BMPER: variants seen among roughly 807,000 people sequenced by gnomAD.
BMPER encodes BMP-binding endothelial regulator protein.
BMPER carries 45 observed loss-of-function variants against 87.3 expected under a neutral mutation model. The ratio of observed to expected loss-of-function variants is 0.52; its 90% CI spans 0.41 to 0.66. The LOEUF is 0.66. Ranked by LOEUF, BMPER falls within the 30% of genes least tolerant of loss-of-function variation. BMPER has a pLI of 0.00. For missense variants in BMPER, 784 were observed against 867.5 expected, an observed-to-expected ratio of 0.90 and a Z score of 1.21; for synonymous variants, 326 against 316.2, an observed-to-expected ratio of 1.03 and a Z score of -0.33.
chr7:33,935,620 AAGAG>A (rs371168169), intron 2 of BMPER, among the ~76,000 whole-genome samples: 17 of 149,760 alleles, frequency 1.1e-4, no homozygotes, highest in Admixed American at 6.0e-4. Flanking sequence ...GAGAAGGAGA[AAGAG>A]AGAGAGAGAG....
intron 6 of BMPER, among the ~76,000 whole-genome samples, chr7:34,004,911 G>A (rs573126705): frequency 5.3e-5 from 8 of 152,250 alleles, no homozygotes; most frequent in African/African-American, 1.9e-4. Context: ...GCCTTGCACA[G>A]TTATGTGACC....
intron 12 of BMPER, among the ~76,000 whole-genome samples, chr7:34,082,910 G>C (rs1585813634): frequency 6.6e-6 from 1 of 152,330 alleles, no homozygotes; most frequent in East Asian, 1.9e-4. Flanking sequence ...GAATTATGCT[G>C]TAAAAGTTAG....
intron 7 of BMPER, among the ~76,000 whole-genome samples, chr7:34,047,794 C>CATT (rs1788015504): frequency 7.0e-6 from 1 of 143,008 alleles, no homozygotes; most frequent in Non-Finnish European, 1.5e-5. Context: ...TTCTTTCCTT[C>CATT]CTTCCTTCCT....
intron 6 of BMPER, among the ~76,000 whole-genome samples, chr7:33,995,688 T>C (rs28496396): frequency 0.13 from 19,199 of 152,188 alleles, 1,657 homozygotes; most frequent in Admixed American, 0.23. Context: ...CCATGAGGCC[T>C]GTGCAGATGT....
chr7:33,927,896 T>G (rs1784397042), intron 2 of BMPER, among the ~76,000 whole-genome samples: 1 of 152,198 alleles, frequency 6.6e-6, no homozygotes, highest in Admixed American at 6.5e-5. Flanking sequence ...ATCACCCCTT[T>G]CCTTTTTGTT....
At chr7:33,939,625 T>C (rs764694592) in intron 3 of BMPER, among the ~76,000 whole-genome samples, 1 of 152,178 alleles carries the variant, frequency 6.6e-6, no homozygotes. Context: ...GTTTCCGCTA[T>C]GCTGTTCTCG....
At chr7:34,086,733 A>G (rs543607397) in intron 13 of BMPER, among the ~76,000 whole-genome samples, 9 of 152,160 alleles carry the variant, frequency 5.9e-5, no homozygotes, top group Non-Finnish European at 1.0e-4. Context: ...ACTCTTTTTA[A>G]CCCCCTTCCA....
In BMPER at chr7:33,905,749, A is replaced by C; in HGVS notation, c.133+3A>C. The C allele has an allele frequency of 3.2e-6, 2 of 628,130 alleles. No homozygotes were observed. Among genetic ancestry groups the C allele is most frequent in the Non-Finnish European group, 5.5e-6 (2 of 363,446 alleles). 38.9% of individuals were successfully genotyped at this position (628,130 alleles called of 1,614,324 possible). On this transcript the variant is annotated splice_donor_region_variant and intron_variant, in intron 1 of 14. Transcript: ENST00000649409. ...TCTGGCTTCCTCCTTCTTGACAGGT[A>C]GGGGAGGGGGCGGGAGGGACCGGCC...
chr7:34,071,827 G>A (rs1484277101), intron 11 of BMPER, among the ~76,000 whole-genome samples: 2 of 152,170 alleles, frequency 1.3e-5, no homozygotes, highest in African/African-American at 4.8e-5. Context: ...ATATATTATT[G>A]TTTATAATTA....
chr7:34,110,657 G>A (rs939173465), intron 13 of BMPER, among the ~76,000 whole-genome samples: 5 of 152,162 alleles, frequency 3.3e-5, no homozygotes, highest in Admixed American at 6.5e-5. Flanking sequence ...TGTGTCGTAG[G>A]GAGATCTGGG....
chr7:33,918,811 C>A (rs144998545), intron 2 of BMPER, among the ~76,000 whole-genome samples: 4 of 152,116 alleles, frequency 2.6e-5, no homozygotes, highest in East Asian at 3.9e-4. Context: ...GTCAGCTAGC[C>A]GCAGCTCCAT....
chr7:34,119,920 A>G (rs745341621), intron 13 of BMPER, among the ~76,000 whole-genome samples: 97 of 152,222 alleles, frequency 6.4e-4, no homozygotes, highest in Non-Finnish European at 1.2e-3. Context: ...GAAAGTTGTT[A>G]TAGCAAGCAT....
intron 14 of BMPER, among the ~76,000 whole-genome samples, chr7:34,146,049 ACACATACACACACG>A (rs1791009144): frequency 1.3e-5 from 2 of 152,130 alleles, no homozygotes; most frequent in African/African-American, 4.8e-5. Context: ...ATACACACAC[ACACATACACACACG>A]CACACACACA....
At chr7:34,103,726 A>T (rs941448683) in intron 13 of BMPER, among the ~76,000 whole-genome samples, 2 of 152,216 alleles carry the variant, frequency 1.3e-5, no homozygotes, top group African/African-American at 4.8e-5. Flanking sequence ...TGATTAAAAT[A>T]CAAGGGTAGC....
intron 13 of BMPER, among the ~76,000 whole-genome samples, chr7:34,087,904 A>G (rs1363275660): frequency 6.6e-6 from 1 of 152,136 alleles, no homozygotes; most frequent in Non-Finnish European, 1.5e-5. Context: ...GCCTTCGGTG[A>G]TTTATTTAGT....
At position 34,130,693 on chromosome 7, in the gene BMPER, G is replaced by C. The variant is rs562304985; in HGVS notation, c.1746-12537G>C. 1.9e-4 allele frequency among the ~76,000 whole-genome samples: 29 copies of C among 152,338 alleles called. No individual in the cohort carries two copies. In the East Asian group the frequency reaches 4.8e-3, roughly 25 times the overall value. ...GAGGGATCGCTCCCATGGGGGTGTAGTTGCAGGGTGTGATAAGGGCCATGC... is the reference window on the plus strand; with the variant it reads ...GAGGGATCGCTCCCATGGGGGTGTACTTGCAGGGTGTGATAAGGGCCATGC... On this transcript the variant is annotated intron_variant, in intron 13 of 14. Coordinates refer to ENST00000649409, the MANE Select transcript of BMPER (RefSeq NM_001365308.1).
chr7:34,080,128 T>A (rs765490641), intron 12 of BMPER, among the ~76,000 whole-genome samples: 2 of 152,228 alleles, frequency 1.3e-5, no homozygotes, highest in Non-Finnish European at 2.9e-5. Context: ...GCATGATACT[T>A]CTAAGGAAAT....
At chr7:33,910,110 A>T (rs1202551462) in intron 2 of BMPER, among the ~76,000 whole-genome samples, 1 of 152,198 alleles carries the variant, frequency 6.6e-6, no homozygotes, top group Non-Finnish European at 1.5e-5. Context: ...AAGTTGGATC[A>T]TGGTCCTAAA....
intron 2 of BMPER, among the ~76,000 whole-genome samples, chr7:33,934,041 A>G (rs10253162): frequency 0.35 from 53,185 of 152,042 alleles, 9,666 homozygotes; most frequent in African/African-American, 0.45. Context: ...TGAAGATGTG[A>G]ACGGAATGAG....
Sources: allele counts gnomAD v4.1 joint callset (sites outside exome capture counted in the v4.1 genomes callset), GRCh38; gene constraint gnomAD v4.1.1; transcripts MANE v1.5; gene names NCBI Gene and HGNC (gene_info 2026-07-23, HGNC 2026-07-21).